The following ZBTB7C variants were observed in gnomAD, a reference collection of about 807,000 sequenced individuals.
ZBTB7C encodes the protein zinc finger and BTB domain containing 7C, also known as zinc finger and BTB domain-containing protein 7C.
ZBTB7C carries 8 observed loss-of-function variants against 25.7 expected under a neutral mutation model. The ratio of observed to expected loss-of-function variants is 0.31; its 90% CI spans 0.18 to 0.56. The LOEUF (loss-of-function observed/expected upper bound fraction) is 0.56, where lower values mean the gene tolerates loss of function less well. ZBTB7C is among the 20% of genes least tolerant of loss of function. The pLI, the probability that ZBTB7C is intolerant of heterozygous loss-of-function variation, is 0.91. For missense variants in ZBTB7C, 824 were observed against 855.2 expected (o/e 0.96, Z 0.46); for synonymous variants, 394 against 369.0 (o/e 1.07, Z -0.78).
intron 2 of ZBTB7C, among the ~76,000 whole-genome samples, chr18:48,190,404 G>T (rs1032487825): frequency 6.6e-6 from 1 of 152,154 alleles, no homozygotes; most frequent in African/African-American, 2.4e-5. Context: ...ATGCAGATAT[G>T]AAAAGGTGTG....
intron 3 of ZBTB7C, among the ~76,000 whole-genome samples, chr18:48,106,550 C>T (rs1045065751): frequency 6.6e-6 from 1 of 152,010 alleles, no homozygotes; most frequent in Admixed American, 6.6e-5. Context: ...GGTGGGGAGT[C>T]AGAGGAGGGG....
intron 3 of ZBTB7C, among the ~76,000 whole-genome samples, chr18:48,183,315 G>A (rs760504986): frequency 3.9e-5 from 6 of 152,116 alleles, no homozygotes; most frequent in Non-Finnish European, 7.4e-5. Flanking sequence ...GACTATCATT[G>A]GAAAGTAACA....
At chr18:48,114,915 A>C (rs1469537094) in intron 3 of ZBTB7C, among the ~76,000 whole-genome samples, 1 of 152,240 alleles carries the variant, frequency 6.6e-6, no homozygotes, top group Non-Finnish European at 1.5e-5. Context: ...TTTTTGGGAA[A>C]ATATGTATAT....
chr18:48,269,966 G>A (rs897901580), intron 2 of ZBTB7C, among the ~76,000 whole-genome samples: 18 of 152,002 alleles, frequency 1.2e-4, no homozygotes, highest in African/African-American at 3.1e-4. Context: ...TTGTTACAAC[G>A]ACATAAAAAA....
At chr18:48,317,932 CG>C (rs2045988290) in intron 2 of ZBTB7C, among the ~76,000 whole-genome samples, 1 of 152,160 alleles carries the variant, frequency 6.6e-6, no homozygotes, top group African/African-American at 2.4e-5. Flanking sequence ...ACAGCTCGCC[CG>C]ACATTCAGCA....
At chr18:48,221,745 T>A (rs1423584996) in intron 2 of ZBTB7C, among the ~76,000 whole-genome samples, 1 of 151,576 alleles carries the variant, frequency 6.6e-6, no homozygotes, top group Admixed American at 6.6e-5. Context: ...AGTCTCCCTA[T>A]ATACTGTCCT....
At position 48,281,717 on chromosome 18, in the gene ZBTB7C, C is replaced by T. The variant is rs531986977; in HGVS notation, c.-79+56457G>A. Among the ~76,000 whole-genome samples, 232 of 151,988 alleles carry T rather than the reference C, an allele frequency of 1.5e-3. 1 individual carries two copies. Among genetic ancestry groups the T allele is most frequent in the African/African-American group, 5.4e-3 (226 of 41,504 alleles). On this transcript the variant is annotated intron_variant, in intron 2 of 4. Coordinates refer to ENST00000590800, the MANE Select transcript of ZBTB7C (RefSeq NM_001318841.2). ...CAAAAAACACATGAAAAAATGCTCACCATCACTGGCCATCAGAGAAATGCA... is the reference window on the plus strand; with the variant it reads ...CAAAAAACACATGAAAAAATGCTCATCATCACTGGCCATCAGAGAAATGCA...
chr18:48,394,705 G>A (rs190128030), intron 1 of ZBTB7C, among the ~76,000 whole-genome samples: 2 of 152,040 alleles, frequency 1.3e-5, no homozygotes, highest in Non-Finnish European at 2.9e-5. Context: ...ACATTAGCAG[G>A]GGCAAAAATT....
chr18:48,327,781 A>T (rs1387458609), intron 2 of ZBTB7C, among the ~76,000 whole-genome samples: 1 of 152,160 alleles, frequency 6.6e-6, no homozygotes, highest in Non-Finnish European at 1.5e-5. Context: ...ACAGCAAATC[A>T]ATTAAAAGTT....
intron 2 of ZBTB7C, among the ~76,000 whole-genome samples, chr18:48,307,598 C>T (rs866197424): frequency 6.6e-6 from 1 of 152,222 alleles, no homozygotes; most frequent in Admixed American, 6.5e-5. Flanking sequence ...CCCTGTAATT[C>T]CAGCACTTTG....
At chr18:48,047,679 C>T (rs1213979820) in intron 3 of ZBTB7C, among the ~76,000 whole-genome samples, 1 of 152,168 alleles carries the variant, frequency 6.6e-6, no homozygotes, top group East Asian at 1.9e-4. Flanking sequence ...GTTTGTTCAA[C>T]TGTAAAATGA....
At chr18:48,152,244 A>C (rs2040701712) in intron 3 of ZBTB7C, among the ~76,000 whole-genome samples, 1 of 152,150 alleles carries the variant, frequency 6.6e-6, no homozygotes, top group African/African-American at 2.4e-5. Context: ...AAACTGTACA[A>C]GTATGTAAGT....
At chr18:48,152,245 G>C (rs1380765288) in intron 3 of ZBTB7C, among the ~76,000 whole-genome samples, 1 of 152,046 alleles carries the variant, frequency 6.6e-6, no homozygotes, top group African/African-American at 2.4e-5. Flanking sequence ...AACTGTACAA[G>C]TATGTAAGTA....
intron 3 of ZBTB7C, among the ~76,000 whole-genome samples, chr18:48,068,193 C>A (rs1203724727): frequency 7.0e-6 from 1 of 143,014 alleles, no homozygotes; most frequent in African/African-American, 2.6e-5. Flanking sequence ...GGCTGAAGTG[C>A]AGTGGTGCAA....
intron 3 of ZBTB7C, chr18:48,077,081 C>CAAAAAAAAAAAAA (rs2037795671): frequency 2.1e-6 from 1 of 486,764 alleles, no homozygotes; most frequent in African/African-American, 2.4e-5. Context: ...AAAAAAAAAG[C>CAAAAAAAAAAAAA]ATTTCCTCCT....
chr18:48,079,131 A>T (rs1174243212), intron 3 of ZBTB7C, among the ~76,000 whole-genome samples: 1 of 152,208 alleles, frequency 6.6e-6, no homozygotes, highest in Non-Finnish European at 1.5e-5. Context: ...AAGATCAATT[A>T]TTCCAGTTTT....
At chr18:48,271,542 C>A (rs1216129910) in intron 2 of ZBTB7C, among the ~76,000 whole-genome samples, 3 of 146,932 alleles carry the variant, frequency 2.0e-5, no homozygotes, top group Non-Finnish European at 1.5e-5. Context: ...TTATATATTT[C>A]TATTAAATAT....
At chr18:48,097,682 C>T (rs1318862084) in intron 3 of ZBTB7C, among the ~76,000 whole-genome samples, 1 of 152,156 alleles carries the variant, frequency 6.6e-6, no homozygotes, top group African/African-American at 2.4e-5. Flanking sequence ...CAGGCGCGAG[C>T]TACGGCGCCC....
chr18:48,103,969 T>C (rs1278740509), intron 3 of ZBTB7C, among the ~76,000 whole-genome samples: 1 of 152,106 alleles, frequency 6.6e-6, no homozygotes, highest in African/African-American at 2.4e-5. Context: ...TAACTGCTAA[T>C]GGGTATGGGG....
Sources: gnomAD v4.1 joint callset for allele counts (sites outside exome capture counted in the v4.1 genomes callset) on GRCh38, gnomAD v4.1.1 for gene constraint, MANE v1.5 for transcripts, NCBI Gene and HGNC (gene_info 2026-07-23, HGNC 2026-07-21) for gene names.